Variants in DCAF12 observed in about 807,000 individuals in gnomAD.
The protein encoded by DCAF12 is DDB1 and CUL4 associated factor 12.
In DCAF12, 28 loss-of-function variants were observed where a neutral mutation model predicts 52.8. The ratio of observed to expected loss-of-function variants is 0.53; its 90% confidence interval spans 0.39 to 0.73. The LOEUF (loss-of-function observed/expected upper bound fraction) is 0.73, where lower values mean the gene tolerates loss of function less well. DCAF12 is among the 30% of genes least tolerant of loss of function. DCAF12 has a pLI of 0.00. For synonymous variants in DCAF12, 196 were observed against 215.5 expected (o/e 0.91, Z 0.79); for missense variants, 425 against 552.2 (o/e 0.77, Z 2.31).
intron 3 of DCAF12, among the ~76,000 whole-genome samples, chr9:34,107,152 G>A (rs1452966933): frequency 6.6e-6 from 1 of 152,134 alleles, no homozygotes; most frequent in African/African-American, 2.4e-5. Context: ...TATGGGCAGT[G>A]GGAAGTATGT....
At chr9:34,100,270 C>G (rs1465893005) in intron 4 of DCAF12, among the ~76,000 whole-genome samples, 1 of 145,664 alleles carries the variant, frequency 6.9e-6, no homozygotes, top group East Asian at 2.1e-4. Context: ...GCGATCTTGG[C>G]TCACTGCAAG....
chr9:34,090,425 T>C (rs1828625660), intron 7 of DCAF12, among the ~76,000 whole-genome samples: 1 of 152,074 alleles, frequency 6.6e-6, no homozygotes, highest in Non-Finnish European at 1.5e-5. Flanking sequence ...AGAACTTAAA[T>C]ACCCAAAGAT....
intron 6 of DCAF12, among the ~76,000 whole-genome samples, chr9:34,095,370 GCCTTTTTTT>G (rs1828719163): frequency 8.4e-6 from 1 of 119,324 alleles, no homozygotes; most frequent in Non-Finnish European, 1.7e-5. Flanking sequence ...ACCGCGCCAG[GCCTTTTTTT>G]TTTTTTTTTT....
At chr9:34,089,362 T>C in intron 8 of DCAF12, 50 bp downstream of exon 8, 2 of 1,532,266 alleles carry the variant, frequency 1.3e-6, no homozygotes, top group African/African-American at 1.4e-5. Context: ...TAGAGGAAGA[T>C]AATTTTTCTG....
chr9:34,119,305 G>C (rs77329227), intron 2 of DCAF12, among the ~76,000 whole-genome samples: 2,257 of 152,266 alleles, frequency 0.015, 54 homozygotes, highest in African/African-American at 0.05. Flanking sequence ...CAACAATACA[G>C]AAATTTAAAA....
At chr9:34,125,351 C>T (rs1295913630) in intron 1 of DCAF12, 74 bp from the exon 2 acceptor site, 8 of 1,528,572 alleles carry the variant, frequency 5.2e-6, no homozygotes, top group Non-Finnish European at 7.1e-6. Flanking sequence ...TTACAGAAAT[C>T]ACCAACTCAT....
At chr9:34,091,015 A>G (rs1828634266) in intron 7 of DCAF12, among the ~76,000 whole-genome samples, 1 of 152,052 alleles carries the variant, frequency 6.6e-6, no homozygotes, top group Non-Finnish European at 1.5e-5. Flanking sequence ...CTAAAATGTA[A>G]GCATTTTAAC....
At chr9:34,124,327 A>G (rs1182199104) in intron 2 of DCAF12, among the ~76,000 whole-genome samples, 1 of 152,174 alleles carries the variant, frequency 6.6e-6, no homozygotes, top group African/African-American at 2.4e-5. Flanking sequence ...ACATCATGCT[A>G]TTCGTGGACT....
chr9:34,117,863 G>A lies in DCAF12; in HGVS notation c.333+7160C>T, dbSNP rs369708705. 1.2e-4 allele frequency among the ~76,000 whole-genome samples: 18 copies of A among 152,246 alleles called. 2 individuals are homozygous for A. The highest frequency in any genetic ancestry group is 4.1e-4 in the African/African-American group (17 of 41,566). Reference sequence around the variant, plus strand: ...CAGGAGGCGGAGGTTGCAGTGAGCCGAGATCGCGCCATCACACTCCAGCCT... The same window carrying A: ...CAGGAGGCGGAGGTTGCAGTGAGCCAAGATCGCGCCATCACACTCCAGCCT... On this transcript the variant is annotated intron_variant, in intron 2 of 8. Coordinates refer to ENST00000361264, the MANE Select transcript of DCAF12 (RefSeq NM_015397.4).
At chr9:34,117,398 C>T (rs187055328) in intron 2 of DCAF12, among the ~76,000 whole-genome samples, 200 of 151,794 alleles carry the variant, frequency 1.3e-3, no homozygotes, top group Non-Finnish European at 2.4e-3. Flanking sequence ...GATCTGCCTG[C>T]CTCGGCCGGC....
chr9:34,115,363 G>A (rs531488939), intron 2 of DCAF12, among the ~76,000 whole-genome samples: 32 of 149,792 alleles, frequency 2.1e-4, no homozygotes, highest in African/African-American at 4.9e-4. Flanking sequence ...AGGCCGAGGC[G>A]GGCGGATCAC....
At chr9:34,118,602 C>G (rs889351010) in intron 2 of DCAF12, among the ~76,000 whole-genome samples, 1 of 152,126 alleles carries the variant, frequency 6.6e-6, no homozygotes, top group Non-Finnish European at 1.5e-5. Flanking sequence ...TTGCAAACTA[C>G]TGGAGAGCAG....
intron 4 of DCAF12, among the ~76,000 whole-genome samples, chr9:34,101,133 A>G (rs548898903): frequency 6.7e-6 from 1 of 148,870 alleles, no homozygotes; most frequent in East Asian, 2.0e-4. Flanking sequence ...GTGCAATAAC[A>G]TGATTATGGC....
Position 34,126,685 on chromosome 9 carries a change from C to T in DCAF12, c.-254G>A, listed in dbSNP as rs1829257343. On this transcript the variant is annotated 5_prime_UTR_variant, in exon 1 of 9. Transcript: ENST00000361264. ...CCGACGGCAGAGCCTGCAAGGACGG[C>T]GAGCGGCTAGAACCAAAACACCCCC... The T allele has an allele frequency of 5.3e-6, 3 of 560,818 alleles. No homozygotes were observed. The highest frequency in any genetic ancestry group is 4.7e-4 in the Middle Eastern group (1 of 2,124). 34.7% of individuals were successfully genotyped at this position (560,818 alleles called of 1,614,324 possible).
intron 4 of DCAF12, among the ~76,000 whole-genome samples, chr9:34,100,196 G>A (rs1828804395): frequency 6.8e-6 from 1 of 146,444 alleles, no homozygotes; most frequent in South Asian, 2.2e-4. Context: ...CCCCATGACT[G>A]GCTTTTTTTT....
chr9:34,126,351 C>T lies in DCAF12; in HGVS notation c.78+3G>A. The T allele has an allele frequency of 6.2e-7, 1 of 1,612,458 alleles. No individual in the cohort carries two copies. The highest frequency in any genetic ancestry group is 8.5e-7 in the Non-Finnish European group (1 of 1,179,726). ...ACCCAGGTGCCGGCCTCTCAACCCT[C>T]ACCTGCGGGCCCTGAGCGTCGCTCC... On this transcript the variant is annotated splice_donor_region_variant and intron_variant, in intron 1 of 8. Coordinates refer to ENST00000361264, the MANE Select transcript of DCAF12 (RefSeq NM_015397.4).
At position 34,098,437 on chromosome 9, in the gene DCAF12, G is replaced by C. The variant is rs767663746; in HGVS notation, c.682C>G (p.Arg228Gly). The change falls in exon 5 of 9, where the codon CGG (arginine) becomes GGG (glycine). Residue 228 changes from arginine to glycine, a missense_variant. Transcript: ENST00000361264. Reference sequence around the variant, plus strand: ...GTGATGTGTGCATACACAGGGACCCGTGACACATTGTGTCTCGCATCACTT... The same window carrying C: ...GTGATGTGTGCATACACAGGGACCCCTGACACATTGTGTCTCGCATCACTT... ...TKSDARHNVSRVPVYAHITHK... is the reference protein window; with the variant it reads ...TKSDARHNVSGVPVYAHITHK... 4 of 1,614,148 alleles carry C rather than the reference G, an allele frequency of 2.5e-6. No individual in the cohort carries two copies. Among genetic ancestry groups the C allele is most frequent in the Non-Finnish European group, 3.4e-6 (4 of 1,180,028 alleles).
At chr9:34,111,921 A>C (rs1829009379) in intron 2 of DCAF12, among the ~76,000 whole-genome samples, 1 of 151,832 alleles carries the variant, frequency 6.6e-6, no homozygotes, top group South Asian at 2.1e-4. Context: ...GATCACTTCA[A>C]GTCAGGAGTT....
chr9:34,122,134 T>C lies in DCAF12; in HGVS notation c.333+2889A>G, dbSNP rs547561326. ...GTGGTTCTTAACCATTTTTGGCTCA[T>C]AGTACTCTCTTTCAAAATCTAAGGA... On this transcript the variant is annotated intron_variant, in intron 2 of 8. Coordinates refer to ENST00000361264, the MANE Select transcript of DCAF12 (RefSeq NM_015397.4). 5.9e-5 allele frequency among the ~76,000 whole-genome samples: 9 copies of C among 152,218 alleles called. No homozygotes were observed. In the East Asian group the frequency reaches 9.6e-4, roughly 16 times the overall value.
Sources: gnomAD v4.1 joint callset for allele counts (sites outside exome capture counted in the v4.1 genomes callset) on GRCh38, gnomAD v4.1.1 for gene constraint, MANE v1.5 for transcripts, NCBI Gene and HGNC (gene_info 2026-07-23, HGNC 2026-07-21) for gene names.